ZNF571: variants seen among roughly 807,000 people sequenced by gnomAD.
ZNF571 encodes the protein zinc finger protein 571.
Under a neutral mutation model 7.7 loss-of-function variants are expected in ZNF571, and 4 were observed. That is an observed-to-expected ratio of 0.52 (90% CI 0.25 to 1.18). The LOEUF is 1.18. Ranked by LOEUF, ZNF571 falls within the 50% of genes most tolerant of loss-of-function variation. ZNF571 has a pLI of 0.14. For synonymous variants in ZNF571, 251 were observed against 232.4 expected, an observed-to-expected ratio of 1.08 and a Z score of -0.73; for missense variants, 704 against 726.9, an observed-to-expected ratio of 0.97 and a Z score of 0.36.
rs2306203 is a variant in ZNF571, at chr19:37,583,716, G to A, written c.136+255C>T. The stretch of plus-strand genomic sequence containing the variant: ...TACAGCTTAAAAGAAAGGAAATGGT[G>A]CATGGTCATGCTAGGGGATTCCCAG... On this transcript the variant is annotated intron_variant, in intron 3 of 3. Coordinates refer to ENST00000451802, the MANE Select transcript of ZNF571 (RefSeq NM_016536.5). The A allele has an allele frequency of 2.3e-3, 800 of 351,042 alleles. 17 individuals carry two copies. The East Asian group carries it at 0.043, about 19-fold the overall frequency. 21.7% of individuals were successfully genotyped at this position (351,042 alleles called of 1,614,324 possible).
At chr19:37,586,054 C>A (rs117086839) in intron 2 of ZNF571, 3,907 of 152,306 alleles carry the variant, frequency 0.026, 68 homozygotes, top group Middle Eastern at 0.051. Flanking sequence ...ATGATATTAG[C>A]CCTTTCAGAC....
chr19:37,569,537 T>C lies in ZNF571; in HGVS notation c.137-3246A>G, dbSNP rs1330698736. Among the ~76,000 whole-genome samples the C allele has an allele frequency of 6.6e-6, 1 of 152,224 alleles. No homozygotes were observed. Among genetic ancestry groups the C allele is most frequent in the Non-Finnish European group, 1.5e-5 (1 of 68,034 alleles). ...AAGGATGTCATAAAATTATCTTTGC[T>C]ATATGTATTATATATTCATATTTTG... is the stretch of plus-strand genomic sequence containing the variant. On this transcript the variant is annotated intron_variant, in intron 3 of 3. Coordinates refer to ENST00000451802, the MANE Select transcript of ZNF571 (RefSeq NM_016536.5). The surrounding 1 kb of genome is among the most constrained non-coding windows in gnomAD (Gnocchi z 4.4).
chr19:37,583,253 A>G (rs1346098577), intron 3 of ZNF571, among the ~76,000 whole-genome samples: 1 of 152,212 alleles, frequency 6.6e-6, no homozygotes, highest in African/African-American at 2.4e-5. Flanking sequence ...CTCAGTACGT[A>G]TGTGCTGGCT....
chr19:37,586,590 A>G (rs2043681456), intron 2 of ZNF571, 78 bp downstream of exon 2: 2 of 1,567,194 alleles, frequency 1.3e-6, no homozygotes, highest in Non-Finnish European at 1.8e-6. Context: ...ACAAGGCAGG[A>G]AATTCTGGGA....
In ZNF571 at chr19:37,569,676, T is replaced by C. The variant is rs1169447031; in HGVS notation, c.137-3385A>G. Among the ~76,000 whole-genome samples the C allele has an allele frequency of 1.3e-5, 2 of 152,160 alleles. No individual in the cohort carries two copies. The highest frequency in any genetic ancestry group is 4.8e-5 in the African/African-American group (2 of 41,436). The stretch of plus-strand genomic sequence containing the variant: ...CCTGGCTCCAGTCAACCTCTCCGAC[T>C]CCCTTGTGGCACCTCTGCCTCACTA... On this transcript the variant is annotated intron_variant, in intron 3 of 3. Transcript: ENST00000451802. The surrounding 1 kb of genome is among the most constrained non-coding windows in gnomAD (Gnocchi z 4.4).
chr19:37,573,281 C>T (rs117637881), intron 3 of ZNF571, among the ~76,000 whole-genome samples: 1,563 of 152,214 alleles, frequency 0.01, 25 homozygotes, highest in Admixed American at 0.04. Flanking sequence ...TACTGGATTC[C>T]TATTATTAAC....
Position 37,564,842 on chromosome 19 carries a change from G to A in ZNF571, c.1586C>T (p.Pro529Leu). 1 of 1,614,012 alleles carries A rather than the reference G, an allele frequency of 6.2e-7. No homozygotes were observed. The highest frequency in any genetic ancestry group is 8.5e-7 in the Non-Finnish European group (1 of 1,179,954). The change falls in exon 4 of 4, where the codon CCT becomes CTT. Residue 529 changes from proline to leucine, a missense_variant. Coordinates refer to ENST00000451802, the MANE Select transcript of ZNF571 (RefSeq NM_016536.5). Reference protein sequence around the residue: ...EHQRIHRGEKPYECKQCGKAF... With the variant: ...EHQRIHRGEKLYECKQCGKAF... The stretch of plus-strand genomic sequence containing the variant: ...CTTCCCACACTGTTTACATTCATAA[G>A]GTTTTTCACCTCTGTGAATTCTCTG...
chr19:37,568,208 C>T (rs1210087352), intron 3 of ZNF571, among the ~76,000 whole-genome samples: 2 of 152,086 alleles, frequency 1.3e-5, no homozygotes, highest in Non-Finnish European at 2.9e-5. Context: ...AAAATAAATA[C>T]ACATCAGTAA....
At chr19:37,589,114 C>T (rs911406986) in intron 1 of ZNF571, among the ~76,000 whole-genome samples, 1 of 147,342 alleles carries the variant, frequency 6.8e-6, no homozygotes, top group Non-Finnish European at 1.5e-5. Flanking sequence ...GCAGGAGAAT[C>T]GTTTGAACCC....
At chr19:37,567,472 C>T (rs568305542) in intron 3 of ZNF571, 4 of 152,176 alleles carry the variant, frequency 2.6e-5, no homozygotes, top group East Asian at 1.9e-4. Context: ...AGCCCCTTTA[C>T]GATCCAGTTC....
In ZNF571 at chr19:37,564,358, C is replaced by CAGTT; in HGVS notation, c.*236_*239dup. 2.8e-6 allele frequency: 1 copy of CAGTT among 351,738 alleles called. No individual in the cohort carries two copies. The highest frequency in any genetic ancestry group is 5.1e-6 in the Non-Finnish European group (1 of 197,462). 21.8% of individuals were successfully genotyped at this position (351,738 alleles called of 1,614,324 possible). A position where few individuals can be genotyped will look rare whatever the true frequency, so the allele number is the denominator to read the frequency against. On this transcript the variant is annotated 3_prime_UTR_variant, in exon 4 of 4. Transcript: ENST00000451802. ...AACACACAAGAAATATATAGGATTT[C>CAGTT]AGTTAGGATATGGTGAAATGGAGAT...
At chr19:37,578,550 A>C (rs1383036524) in intron 3 of ZNF571, among the ~76,000 whole-genome samples, 2 of 152,202 alleles carry the variant, frequency 1.3e-5, no homozygotes, top group Non-Finnish European at 2.9e-5. Context: ...GCTTGGTGCC[A>C]GCTGCCATAA....
Position 37,564,860 on chromosome 19 carries a change from A to G in ZNF571, c.1568T>C (p.Ile523Thr). The change falls in exon 4 of 4, where the codon ATT becomes ACT. Residue 523 changes from isoleucine (I) to threonine (T), a missense_variant. Physicochemically the swap from Ile to Thr is moderately conservative, Grantham distance 89. Transcript: ENST00000451802. ...TTCATAAGGTTTTTCACCTCTGTGA[A>G]TTCTCTGATGTTCACTAAGTTGTGA... ...YGSQLSEHQR[I>T]HRGEKPYECK... is the part of the protein sequence containing the mutation. 6.2e-7 allele frequency: 1 copy of G among 1,614,004 alleles called. No individual in the cohort carries two copies. The highest frequency in any genetic ancestry group is 8.5e-7 in the Non-Finnish European group (1 of 1,179,944).
chr19:37,591,087 T>C lies in ZNF571; in HGVS notation c.-70+3654A>G, dbSNP rs77188836. Among the ~76,000 whole-genome samples, 240 of 152,366 alleles carry C rather than the reference T, an allele frequency of 1.6e-3. 2 individuals carry two copies. In the East Asian group the frequency reaches 0.023, roughly 15 times the overall value. On this transcript the variant is annotated intron_variant, in intron 1 of 3. Transcript: ENST00000451802. Reference sequence around the variant, plus strand: ...TAAATTCATGATTCATGATTTATACTTTAAAAACAAGTTATTAGCTTTGTT... The same window carrying C: ...TAAATTCATGATTCATGATTTATACCTTAAAAACAAGTTATTAGCTTTGTT...
rs199841100 is a variant in ZNF571 at position 37,564,499 on chromosome 19, A to T, written c.*99T>A. 1.6e-4 allele frequency: 191 copies of T among 1,175,180 alleles called. 1 individual carries two copies. In the East Asian group the frequency reaches 4.9e-3, roughly 30 times the overall value. 72.8% of individuals were successfully genotyped at this position (1,175,180 alleles called of 1,614,324 possible). A position where few individuals can be genotyped will look rare whatever the true frequency, so the allele number is the denominator to read the frequency against. Reference sequence around the variant, plus strand: ...CATCCATGTTAATGTAGGCCTTCTAAGAATGAGCAGATTCTGAGCAGAAGC... The same window carrying T: ...CATCCATGTTAATGTAGGCCTTCTATGAATGAGCAGATTCTGAGCAGAAGC... On this transcript the variant is annotated 3_prime_UTR_variant, in exon 4 of 4. Transcript: ENST00000451802.
intron 3 of ZNF571, among the ~76,000 whole-genome samples, chr19:37,574,942 C>T (rs778269976): frequency 3.9e-5 from 6 of 152,164 alleles, no homozygotes; most frequent in Admixed American, 3.3e-4. Flanking sequence ...TTCCTGAAGA[C>T]GTTCAAACTC....
chr19:37,580,812 G>C (rs539433408), intron 3 of ZNF571, among the ~76,000 whole-genome samples: 1 of 152,298 alleles, frequency 6.6e-6, no homozygotes, highest in African/African-American at 2.4e-5. Context: ...AAGCCAAACA[G>C]ACATAGGTGC....
chr19:37,578,178 C>G (rs966933953), intron 3 of ZNF571, among the ~76,000 whole-genome samples: 4 of 152,182 alleles, frequency 2.6e-5, no homozygotes, highest in East Asian at 3.9e-4. Context: ...GCCAGAAATA[C>G]TGTGTTCCAT....
rs16973893 is a variant in ZNF571, at chr19:37,565,919, T to C, written c.509A>G (p.Lys170Arg). Residue 170 changes from lysine (K) to arginine (R), a missense_variant, in exon 4 of 4, where the codon AAG becomes AGG. Lys to Arg is a conservative substitution (Grantham distance 26). Coordinates refer to ENST00000451802, the MANE Select transcript of ZNF571 (RefSeq NM_016536.5). ...TTTGCTAAAGGTATTCCTGTGTTTC[T>C]TAACTTCAGAGCATTTTTCTATATT... is the stretch of plus-strand genomic sequence containing the variant. ...NHNIEKCSEV[K>R]KHRNTFSKKP... The C allele has an allele frequency of 6.2e-7, 1 of 1,613,924 alleles. No individual in the cohort carries two copies. Among genetic ancestry groups the C allele is most frequent in the African/African-American group, 1.3e-5 (1 of 75,062 alleles).
Sources: gnomAD v4.1 joint callset for allele counts (sites outside exome capture counted in the v4.1 genomes callset) on GRCh38, gnomAD v4.1.1 for gene constraint, Gnocchi (gnomAD v3.1) non-coding constraint, MANE v1.5 for transcripts, NCBI Gene and HGNC (gene_info 2026-07-23, HGNC 2026-07-21) for gene names.